The following PDE3A variants were observed in gnomAD, a reference collection of about 807,000 sequenced individuals.
The protein encoded by PDE3A is phosphodiesterase 3A.
PDE3A carries 43 observed loss-of-function variants against 98.3 expected under a neutral mutation model. That is an observed-to-expected ratio of 0.44 (90% CI 0.34 to 0.56). PDE3A has a LOEUF of 0.56. PDE3A is among the 20% of genes least tolerant of loss of function. The pLI, the probability that PDE3A is intolerant of heterozygous loss-of-function variation, is 0.01. For synonymous variants in PDE3A, 663 were observed against 567.9 expected (o/e 1.17, Z -2.38); for missense variants, 1,427 against 1,440.7 (o/e 0.99, Z 0.15).
rs778100323 is a variant in PDE3A at position 20,369,842 on chromosome 12, C to T, written c.558C>T (p.Leu186=). 7.4e-6 allele frequency: 12 copies of T among 1,611,778 alleles called. No homozygotes were observed. The highest frequency in any genetic ancestry group is 1.1e-5 in the South Asian group (1 of 90,940). The change falls in exon 1 of 16, where the codon CTC becomes CTT. Residue 186 remains leucine, a synonymous_variant. Transcript: ENST00000359062. ...TGGGCGTCGGGGAGGATCACTTACT[C>T]TCACTCCCCGCCGCGGGGGTGGTGC... ...IGLGVGEDHL[L]SLPAAGVVLS...
At chr12:20,406,347 C>G (rs1944233030) in intron 1 of PDE3A, among the ~76,000 whole-genome samples, 1 of 152,190 alleles carries the variant, frequency 6.6e-6, no homozygotes. Context: ...TACATTCCCA[C>G]TAACAGCATG....
chr12:20,391,380 TATATATATAC>T (rs1943911032), intron 1 of PDE3A, among the ~76,000 whole-genome samples: 1 of 135,440 alleles, frequency 7.4e-6, no homozygotes. Context: ...TATATATATA[TATATATATAC>T]ACACACACAT....
chr12:20,676,699 C>T (rs564006495), intron 15 of PDE3A, among the ~76,000 whole-genome samples: 3 of 152,134 alleles, frequency 2.0e-5, no homozygotes, highest in Admixed American at 2.0e-4. Context: ...TGGAGTTTCA[C>T]CGTGTTAGGC....
intron 1 of PDE3A, among the ~76,000 whole-genome samples, chr12:20,522,164 G>A (rs1332924803): frequency 6.6e-6 from 1 of 152,090 alleles, no homozygotes; most frequent in African/African-American, 2.4e-5. Flanking sequence ...GTTTGCTTAA[G>A]TTTACCCTAC....
At chr12:20,585,022 A>G (rs1943159109) in intron 2 of PDE3A, among the ~76,000 whole-genome samples, 3 of 152,224 alleles carry the variant, frequency 2.0e-5, no homozygotes, top group South Asian at 2.1e-4. Flanking sequence ...ATAAAAGCTT[A>G]AAAGTACAAA....
In PDE3A at chr12:20,687,914, GAAAAAAAAA is replaced by G. The variant is rs58496505; in HGVS notation, c.*7658_*7666del. Among the ~76,000 whole-genome samples, 6 of 94,312 alleles carry G rather than the reference GAAAAAAAAA, an allele frequency of 6.4e-5. No individual in the cohort carries two copies. The highest frequency in any genetic ancestry group is 8.5e-5 in the African/African-American group (2 of 23,402). The allele number at this position is 94,312 out of a possible 152,430, so 61.9% of individuals were successfully genotyped here. ...GACCAGTCATTACCTCTTCCCAACAGAAAAAAAAAAAAAAAAAAAAAAACTGGCATTGGC... is the reference window on the plus strand; with the variant it reads ...GACCAGTCATTACCTCTTCCCAACAGAAAAAAAAAAAAAACTGGCATTGGC... On this transcript the variant is annotated 3_prime_UTR_variant, in exon 16 of 16. Transcript: ENST00000359062.
chr12:20,434,306 G>A (rs1445701136), intron 1 of PDE3A, among the ~76,000 whole-genome samples: 1 of 151,992 alleles, frequency 6.6e-6, no homozygotes, highest in Non-Finnish European at 1.5e-5. Context: ...TTGCAATGTT[G>A]GAAACTTGGA....
At chr12:20,409,525 A>G (rs2120701140) in intron 1 of PDE3A, among the ~76,000 whole-genome samples, 1 of 152,326 alleles carries the variant, frequency 6.6e-6, no homozygotes, top group East Asian at 1.9e-4. Flanking sequence ...TCTTTGATAG[A>G]TGGAAGAAAG....
chr12:20,668,608 G>A (rs1945386537), intron 15 of PDE3A, among the ~76,000 whole-genome samples: 1 of 152,154 alleles, frequency 6.6e-6, no homozygotes. Context: ...TCACATGGCA[G>A]GGTACTCCAA....
At position 20,684,773 on chromosome 12, in the gene PDE3A, C is replaced by T. The variant is rs1469539480; in HGVS notation, c.*4502C>T. ...ATATATCAGTTTTAGGTCCTATGTT[C>T]ACACATCAATTTGTTCATCTGGAAG... On this transcript the variant is annotated 3_prime_UTR_variant, in exon 16 of 16. Coordinates refer to ENST00000359062, the MANE Select transcript of PDE3A (RefSeq NM_000921.5). Among the ~76,000 whole-genome samples, 1 of 152,150 alleles carries T rather than the reference C, an allele frequency of 6.6e-6. No individual in the cohort carries two copies. The highest frequency in any genetic ancestry group is 2.4e-5 in the African/African-American group (1 of 41,436).
At chr12:20,634,358 A>G (rs902123912) in intron 7 of PDE3A, among the ~76,000 whole-genome samples, 2 of 152,132 alleles carry the variant, frequency 1.3e-5, no homozygotes, top group Admixed American at 6.5e-5. Context: ...TTGGTCTTTT[A>G]GTTAGCACAG....
chr12:20,643,266 C>A lies in PDE3A; in HGVS notation c.2252-3224C>A, dbSNP rs553466819. 4.7e-4 allele frequency among the ~76,000 whole-genome samples: 71 copies of A among 152,248 alleles called. 1 individual carries two copies. In the South Asian group the frequency reaches 0.014, roughly 30 times the overall value. On this transcript the variant is annotated intron_variant, in intron 10 of 15. Transcript: ENST00000359062. Reference sequence around the variant, plus strand: ...GATAGCTCTGATAGCATTTCTTATCCTTCTCAGTTGCCTACCCTGGCCAGA... The same window carrying A: ...GATAGCTCTGATAGCATTTCTTATCATTCTCAGTTGCCTACCCTGGCCAGA...
intron 15 of PDE3A, among the ~76,000 whole-genome samples, chr12:20,672,451 C>T (rs1441048934): frequency 2.7e-5 from 4 of 150,184 alleles, no homozygotes; most frequent in Non-Finnish European, 5.9e-5. Flanking sequence ...TCAAACTATA[C>T]TACAAGGCTA....
chr12:20,579,672 T>C (rs965919501), intron 2 of PDE3A, among the ~76,000 whole-genome samples: 1 of 152,168 alleles, frequency 6.6e-6, no homozygotes, highest in Admixed American at 6.6e-5. Flanking sequence ...GCCCCTCCCC[T>C]ATTGCCTCAT....
In PDE3A at chr12:20,646,756, G is replaced by C; in HGVS notation, c.2371G>C (p.Asp791His). The C allele has an allele frequency of 6.3e-7, 1 of 1,599,660 alleles. No homozygotes were observed. The highest frequency in any genetic ancestry group is 2.2e-5 in the East Asian group (1 of 44,818). The stretch of plus-strand genomic sequence containing the variant: ...CTCTCATTTTCTCTTCTCAGATTCT[G>C]ACAGTGGATTTACACATGGACATAT... The part of the protein sequence containing the change: ...DHGSTSDSDS[D>H]SGFTHGHMGY... The change falls in exon 12 of 16, where the codon GAC (aspartate) becomes CAC (histidine). Residue 791 changes from aspartate to histidine, a missense_variant. Asp to His is a moderately conservative substitution (Grantham distance 81). Coordinates refer to ENST00000359062, the MANE Select transcript of PDE3A (RefSeq NM_000921.5).
At chr12:20,490,652 C>G (rs1945811175) in intron 1 of PDE3A, among the ~76,000 whole-genome samples, 1 of 152,106 alleles carries the variant, frequency 6.6e-6, no homozygotes, top group Non-Finnish European at 1.5e-5. Flanking sequence ...TGAACATCAG[C>G]AATGTCCCAA....
rs916397716 is a variant in PDE3A, at chr12:20,647,096, C to T, written c.2565+146C>T. On this transcript the variant is annotated intron_variant, in intron 12 of 15. Transcript: ENST00000359062. ...GAAATTCTCAGAGACCGTGCTAATT[C>T]TGAAAAGAAGCCATGGATTCTTCCA... 12 of 605,604 alleles carry T rather than the reference C, an allele frequency of 2.0e-5. No individual in the cohort carries two copies. In the Admixed American group the frequency reaches 3.7e-4, roughly 19 times the overall value. The allele number at this position is 605,604 out of a possible 1,614,324, so 37.5% of individuals were successfully genotyped here.
chr12:20,493,940 T>G (rs1433907484), intron 1 of PDE3A, among the ~76,000 whole-genome samples: 2 of 152,218 alleles, frequency 1.3e-5, no homozygotes, highest in African/African-American at 2.4e-5. Context: ...GCAAACTACT[T>G]TTCAATGGCT....
intron 10 of PDE3A, among the ~76,000 whole-genome samples, chr12:20,643,263 A>T (rs1197368855): frequency 6.6e-6 from 1 of 152,230 alleles, no homozygotes; most frequent in Non-Finnish European, 1.5e-5. Flanking sequence ...AGCATTTCTT[A>T]TCCTTCTCAG....
Sources: allele counts gnomAD v4.1 joint callset (sites outside exome capture counted in the v4.1 genomes callset), GRCh38; gene constraint gnomAD v4.1.1; transcripts MANE v1.5; gene names NCBI Gene and HGNC (gene_info 2026-07-23, HGNC 2026-07-21).